The following ATAD2B variants were observed in gnomAD, a reference collection of about 807,000 sequenced individuals.
The protein encoded by ATAD2B is ATPase family AAA domain containing 2B.
A neutral mutation model predicts 167.6 loss-of-function variants in ATAD2B; 40 were observed. The ratio of observed to expected loss-of-function variants is 0.24; its 90% CI spans 0.19 to 0.31. The LOEUF (loss-of-function observed/expected upper bound fraction) is 0.31. Ranked by LOEUF, ATAD2B falls within the 10% of genes least tolerant of loss-of-function variation. The pLI is 1.00. For synonymous variants in ATAD2B, 579 were observed against 596.5 expected (o/e 0.97, Z 0.43); for missense variants, 1,242 against 1,757.2 (o/e 0.71, Z 5.24).
chr2:23,926,493 C>A lies in ATAD2B; in HGVS notation c.216+62G>T, dbSNP rs1465157100. 1.2e-4 allele frequency: 185 copies of A among 1,512,696 alleles called. 2 individuals are homozygous for A. The Admixed American group carries it at 3.7e-3, about 30-fold the overall frequency. 93.7% of individuals were successfully genotyped at this position (1,512,696 alleles called of 1,614,324 possible). A position where few individuals can be genotyped will look rare whatever the true frequency, so the allele number is the denominator to read the frequency against. On this transcript the variant is annotated intron_variant, in intron 1 of 27. Coordinates refer to ENST00000238789, the MANE Select transcript of ATAD2B (RefSeq NM_017552.4). ...GCTTCCTACCCCCAACCCGGCCAGA[C>A]AAAGCCCCGGCAGCAGGGCCGGCAC...
the ATAD2B span, among the ~76,000 whole-genome samples, chr2:23,737,718 GAGA>G: frequency 9.2e-5 from 14 of 152,236 alleles, no homozygotes; most frequent in Admixed American, 9.2e-4. Flanking sequence ...GACAAGTTGA[GAGA>G]AGAAGGTTTC....
At chr2:23,822,818 T>C (rs1161771974) in intron 16 of ATAD2B, among the ~76,000 whole-genome samples, 1 of 146,470 alleles carries the variant, frequency 6.8e-6, no homozygotes, top group African/African-American at 2.5e-5. Flanking sequence ...CTCAGGAGGC[T>C]GAGGCAGGAG....
At chr2:23,889,648 G>A (rs1383411964) in intron 2 of ATAD2B, among the ~76,000 whole-genome samples, 3 of 151,966 alleles carry the variant, frequency 2.0e-5, no homozygotes, top group Non-Finnish European at 2.9e-5. Flanking sequence ...AGCCAGGCGC[G>A]ATGGCTCACG....
chr2:23,682,821 G>A, the ATAD2B span, among the ~76,000 whole-genome samples: 3 of 152,076 alleles, frequency 2.0e-5, no homozygotes, highest in South Asian at 2.1e-4. This position sits in a 1 kb window ranked among gnomAD's most constrained non-coding sequence, Gnocchi z 4.1. Flanking sequence ...GCCCCCTTCC[G>A]CACCCCTGGA....
At chr2:23,702,457 C>T in the ATAD2B span, among the ~76,000 whole-genome samples, 1 of 152,138 alleles carries the variant, frequency 6.6e-6, no homozygotes, top group Non-Finnish European at 1.5e-5. Context: ...TCAAAAAATC[C>T]TAAGTCGGGG....
chr2:23,813,737 C>T (rs1040236669), intron 17 of ATAD2B, among the ~76,000 whole-genome samples: 1 of 151,562 alleles, frequency 6.6e-6, no homozygotes, highest in African/African-American at 2.4e-5. Flanking sequence ...AGAATGAGAC[C>T]TTGTCTCAAA....
At chr2:23,698,777 TC>T in the ATAD2B span, among the ~76,000 whole-genome samples, 2 of 152,074 alleles carry the variant, frequency 1.3e-5, no homozygotes, top group Non-Finnish European at 2.9e-5. Context: ...CATTAGCATA[TC>T]CTTCTCAAGC....
At position 23,875,923 on chromosome 2, in the gene ATAD2B, A is replaced by G. The variant is rs756584686; in HGVS notation, c.902-19T>C. 1.3e-6 allele frequency: 2 copies of G among 1,519,340 alleles called. No individual in the cohort carries two copies. The highest frequency in any genetic ancestry group is 3.6e-5 in the Admixed American group (2 of 55,624). 94.1% of individuals were successfully genotyped at this position (1,519,340 alleles called of 1,614,324 possible). ...GCTGGTACTAAAAGGGAAGAAAAGG[A>G]TAATAGAGAAATAACTAATAAATTG... is the stretch of plus-strand genomic sequence containing the variant. On this transcript the variant is annotated intron_variant, in intron 7 of 27. Coordinates refer to ENST00000238789, the MANE Select transcript of ATAD2B (RefSeq NM_017552.4).
At chr2:23,778,443 AGAATTAC>A (rs1298569675) in intron 22 of ATAD2B, among the ~76,000 whole-genome samples, 2 of 152,242 alleles carry the variant, frequency 1.3e-5, no homozygotes, top group African/African-American at 4.8e-5. Context: ...GTTTCAAAAT[AGAATTAC>A]ATTTAAAGTA....
At chr2:23,836,995 C>T (rs79827581) in intron 13 of ATAD2B, among the ~76,000 whole-genome samples, 4,016 of 152,252 alleles carry the variant, frequency 0.026, 180 homozygotes, top group African/African-American at 0.092. Context: ...GGTCTCACCA[C>T]GGACCCACCC....
chr2:23,685,766 G>C, the ATAD2B span, among the ~76,000 whole-genome samples: 6 of 152,204 alleles, frequency 3.9e-5, no homozygotes, highest in Non-Finnish European at 7.3e-5. Flanking sequence ...GGGGTGAAGG[G>C]ACATGTCTAG....
At chr2:23,685,349 G>T in the ATAD2B span, 1 of 152,276 alleles carries the variant, frequency 6.6e-6, no homozygotes. Flanking sequence ...AGCAGCCAAG[G>T]GGCCAGCCCA....
downstream of ATAD2B, among the ~76,000 whole-genome samples, chr2:23,746,867 A>G (rs1304179399): frequency 2.6e-5 from 4 of 152,160 alleles, no homozygotes; most frequent in Admixed American, 1.3e-4. Context: ...AGCTTTTAAG[A>G]GCACCACACT....
chr2:23,716,916 C>G, the ATAD2B span, among the ~76,000 whole-genome samples: 1 of 152,198 alleles, frequency 6.6e-6, no homozygotes, highest in Admixed American at 6.5e-5. Context: ...TAAATCTTCA[C>G]TTCTCTCCTG....
At chr2:23,698,152 C>G in the ATAD2B span, among the ~76,000 whole-genome samples, 1 of 152,222 alleles carries the variant, frequency 6.6e-6, no homozygotes, top group Non-Finnish European at 1.5e-5. Context: ...GGGCAAGGCC[C>G]TCCTTCTGGC....
chr2:23,822,981 C>CCAT (rs1687694560), intron 16 of ATAD2B, among the ~76,000 whole-genome samples: 2 of 145,958 alleles, frequency 1.4e-5, no homozygotes, highest in African/African-American at 2.5e-5. Flanking sequence ...AAAGGTTAAC[C>CCAT]TATTATTATT....
At chr2:23,683,466 G>A in the ATAD2B span, among the ~76,000 whole-genome samples, 3 of 152,238 alleles carry the variant, frequency 2.0e-5, no homozygotes, top group Admixed American at 2.0e-4. Flanking sequence ...CAATGAAAGA[G>A]AGTGTGCAAC....
Position 23,834,071 on chromosome 2 carries a change from C to T in ATAD2B, c.1576G>A (p.Val526Ile), listed in dbSNP as rs1336967128. 6.6e-7 allele frequency: 1 copy of T among 1,523,150 alleles called. No homozygotes were observed. Among genetic ancestry groups the T allele is most frequent in the Non-Finnish European group, 8.8e-7 (1 of 1,131,654 alleles). 94.4% of individuals were successfully genotyped at this position (1,523,150 alleles called of 1,614,324 possible). A position where few individuals can be genotyped will look rare whatever the true frequency, so the allele number is the denominator to read the frequency against. ...TCCATAAGAGCAAGGAGGGTTGATACTATAGAGCTGTAAAATAATTTTCAG... is the reference window on the plus strand; with the variant it reads ...TCCATAAGAGCAAGGAGGGTTGATATTATAGAGCTGTAAAATAATTTTCAG... ...SRQDQIHSSI[V>I]STLLALMDGL... The change falls in exon 14 of 28, where the codon GTA becomes ATA. Residue 526 changes from valine to isoleucine, a missense_variant. By Grantham distance (29) the Val-to-Ile change is conservative. Around this residue, in one of 9 missense-constraint regions of ATAD2B, gnomAD observed 151 missense variants for 284.1 expected, o/e 0.53. Transcript: ENST00000238789.
intron 16 of ATAD2B, 125 bp from the exon 17 acceptor site, chr2:23,820,007 C>G (rs770427267): frequency 7.2e-5 from 43 of 596,444 alleles, no homozygotes; most frequent in Non-Finnish European, 9.1e-5. Context: ...TCAAATAATA[C>G]AGGCAAACTG....
Sources: allele counts gnomAD v4.1 joint callset (sites outside exome capture counted in the v4.1 genomes callset), GRCh38; gene constraint gnomAD v4.1.1; regional missense constraint gnomAD v4.1.1; non-coding constraint Gnocchi (gnomAD v3.1); transcripts MANE v1.5; gene names NCBI Gene and HGNC (gene_info 2026-07-23, HGNC 2026-07-21).